Variants in ZNF536 observed in about 807,000 individuals in gnomAD.
The protein encoded by ZNF536 is zinc finger protein 536.
ZNF536 carries 13 observed loss-of-function variants against 84.5 expected under a neutral mutation model. The ratio of observed to expected loss-of-function variants is 0.15; its 90% CI spans 0.10 to 0.24. ZNF536 has a LOEUF of 0.24. ZNF536 is among the 10% of genes least tolerant of loss of function. The pLI, the probability that ZNF536 is intolerant of heterozygous loss-of-function variation, is 1.00. For missense variants in ZNF536, 1,536 were observed against 1,747.5 expected (o/e 0.88, Z 2.16); for synonymous variants, 811 against 742.5 (o/e 1.09, Z -1.50).
intron 2 of ZNF536, among the ~76,000 whole-genome samples, chr19:30,470,641 A>G (rs1317359087): frequency 6.6e-6 from 1 of 151,714 alleles, no homozygotes; most frequent in Non-Finnish European, 1.5e-5. Flanking sequence ...TGATGACCTC[A>G]AGACAGTCTT....
chr19:30,635,024 C>A (rs974856149), intron 1 of ZNF536, among the ~76,000 whole-genome samples: 1 of 152,096 alleles, frequency 6.6e-6, no homozygotes, highest in Non-Finnish European at 1.5e-5. Flanking sequence ...GAAAAAACAA[C>A]CGATGAGCAA....
chr19:30,362,106 G>A (rs1490660243), intron 3 of ZNF536, among the ~76,000 whole-genome samples: 1 of 152,208 alleles, frequency 6.6e-6, no homozygotes, highest in Non-Finnish European at 1.5e-5. Context: ...AGAGAGATCT[G>A]GGTTGGATCT....
At chr19:30,684,674 C>G (rs963343188) in intron 1 of ZNF536, among the ~76,000 whole-genome samples, 2 of 152,212 alleles carry the variant, frequency 1.3e-5, no homozygotes, top group African/African-American at 4.8e-5. Flanking sequence ...ATCTTATCCA[C>G]CGATGGCTTG....
intron 1 of ZNF536, among the ~76,000 whole-genome samples, chr19:30,576,762 G>A: frequency 6.6e-6 from 1 of 152,186 alleles, no homozygotes; most frequent in East Asian, 1.9e-4. Context: ...TCCACGTGGG[G>A]ACTGGAGGCT....
chr19:30,547,924 TTA>T lies in ZNF536; in HGVS notation c.2324-15_2324-14del. 6.6e-7 allele frequency: 1 copy of T among 1,513,970 alleles called. No individual in the cohort carries two copies. The highest frequency in any genetic ancestry group is 8.8e-7 in the Non-Finnish European group (1 of 1,132,774). 93.8% of individuals were successfully genotyped at this position (1,513,970 alleles called of 1,614,324 possible). A position where few individuals can be genotyped will look rare whatever the true frequency, so the allele number is the denominator to read the frequency against. On this transcript the variant is annotated splice_polypyrimidine_tract_variant and intron_variant, in intron 3 of 4. Transcript: ENST00000355537. ...ATGAGATAAACGCCTCTTTTTTTTC[TTA>T]TATCAAAATCTTGCAGGTGAGAAAC...
intron 1 of ZNF536, among the ~76,000 whole-genome samples, chr19:30,688,701 C>A (rs955275139): frequency 3.3e-5 from 5 of 152,162 alleles, no homozygotes; most frequent in African/African-American, 7.2e-5. Context: ...GCTTTTGAAA[C>A]CCCCACTTAA....
chr19:30,617,117 C>T (rs1214673951), intron 1 of ZNF536, among the ~76,000 whole-genome samples: 1 of 151,258 alleles, frequency 6.6e-6, no homozygotes, highest in Non-Finnish European at 1.5e-5. Flanking sequence ...TGAATAGCCT[C>T]CTTTTTTATT....
intron 1 of ZNF536, among the ~76,000 whole-genome samples, chr19:30,632,376 C>G (rs543515743): frequency 6.6e-6 from 1 of 152,094 alleles, no homozygotes; most frequent in African/African-American, 2.4e-5. Context: ...GAGGCCAAGG[C>G]GGGAGGATCA....
chr19:30,546,627 T>C (rs1159910191), intron 3 of ZNF536, among the ~76,000 whole-genome samples: 1 of 152,236 alleles, frequency 6.6e-6, no homozygotes, highest in Admixed American at 6.5e-5. Context: ...CAGTGAAATG[T>C]CTTCAGAAGA....
chr19:30,472,060 G>A (rs778611064), intron 2 of ZNF536, among the ~76,000 whole-genome samples: 1 of 152,204 alleles, frequency 6.6e-6, no homozygotes, highest in Non-Finnish European at 1.5e-5. Flanking sequence ...GGAGGGCATC[G>A]CGCTACCTGG....
At chr19:30,594,150 G>A (rs547983926) in intron 1 of ZNF536, among the ~76,000 whole-genome samples, 125 of 152,178 alleles carry the variant, frequency 8.2e-4, no homozygotes, top group Non-Finnish European at 1.3e-3. Flanking sequence ...ATCAATAGGC[G>A]TTCAATCCTG....
chr19:30,397,114 T>C (rs199583317), intron 1 of ZNF536, among the ~76,000 whole-genome samples: 1 of 152,158 alleles, frequency 6.6e-6, no homozygotes, highest in African/African-American at 2.4e-5. Context: ...GAGGCTGGGG[T>C]GACAATGGTT....
At position 30,526,540 on chromosome 19, in the gene ZNF536, C is replaced by T. The variant is rs10425510; in HGVS notation, c.2171-8307C>T. Among the ~76,000 whole-genome samples the T allele has an allele frequency of 2.5e-3, 324 of 130,210 alleles. 4 individuals carry two copies. The highest frequency in any genetic ancestry group is 7.3e-3 in the African/African-American group (289 of 39,700). The allele number at this position is 130,210 out of a possible 152,430, so 85.4% of individuals were successfully genotyped here. ...GAGATCGAGACCATCCCGGCTAAAA[C>T]GGTGAAACCCCGTCTCTACTAAAAA... On this transcript the variant is annotated intron_variant, in intron 2 of 4. Transcript: ENST00000355537.
In ZNF536 at chr19:30,683,659, G is replaced by C. The variant is rs141267584; in HGVS notation, c.170-27098G>C. On this transcript the variant is annotated intron_variant, in intron 1 of 1. Coordinates refer to the ZNF536 transcript ENST00000592773. Reference sequence around the variant, plus strand: ...TGTCCCTGTAAAGGGGAATGAAATTGCTCACTAAATATCTTTTCAAAGACA... The same window carrying C: ...TGTCCCTGTAAAGGGGAATGAAATTCCTCACTAAATATCTTTTCAAAGACA... 4.6e-5 allele frequency among the ~76,000 whole-genome samples: 7 copies of C among 152,178 alleles called. No individual in the cohort carries two copies. In the East Asian group the frequency reaches 1.4e-3, roughly 29 times the overall value.
chr19:30,604,248 T>G (rs1490453948), intron 1 of ZNF536, among the ~76,000 whole-genome samples: 7 of 152,166 alleles, frequency 4.6e-5, no homozygotes, highest in Admixed American at 4.6e-4. Context: ...TGAATACACA[T>G]GGATGGCTGC....
intron 1 of ZNF536, among the ~76,000 whole-genome samples, chr19:30,381,443 G>A (rs1193413452): frequency 6.6e-6 from 1 of 152,218 alleles, no homozygotes; most frequent in Non-Finnish European, 1.5e-5. Context: ...AGATGGGGTG[G>A]TCTTGGGAGG....
At chr19:30,481,927 T>C (rs1490401963) in intron 2 of ZNF536, among the ~76,000 whole-genome samples, 1 of 152,248 alleles carries the variant, frequency 6.6e-6, no homozygotes, top group East Asian at 1.9e-4. Context: ...TATTTGGTTT[T>C]CCATTCCTGA....
chr19:30,684,697 T>G lies in ZNF536; in HGVS notation c.170-26060T>G, dbSNP rs1019534012. Among the ~76,000 whole-genome samples the G allele has an allele frequency of 2.0e-5, 3 of 152,228 alleles. No individual in the cohort carries two copies. In the East Asian group the frequency reaches 5.8e-4, roughly 29 times the overall value. On this transcript the variant is annotated intron_variant, in intron 1 of 1. Coordinates refer to the ZNF536 transcript ENST00000592773. ...CACCGATGGCTTGGTTCGGTCATTC[T>G]GTGTTAGAGGTTCTGCATGTAAACC...
Position 30,548,206 on chromosome 19 carries a change from G to A in ZNF536, c.2587G>A (p.Val863Ile), listed in dbSNP as rs367614015. 1 of 1,614,186 alleles carries A rather than the reference G, an allele frequency of 6.2e-7. No homozygotes were observed. The change falls in exon 4 of 5, where the codon GTT becomes ATT. Residue 863 changes from valine to isoleucine, a missense_variant. Around this residue, in one of 8 missense-constraint regions of ZNF536, gnomAD observed 624 missense variants for 603.1 expected, o/e 1.03. Coordinates refer to ENST00000355537, the MANE Select transcript of ZNF536 (RefSeq NM_014717.3). ...GPASQQWTSGVLSSGDHSGQA... is the reference protein window; with the variant it reads ...GPASQQWTSGILSSGDHSGQA... ...TGCATCTCAGCAGTGGACATCAGGG[G>A]TTCTCTCCTCTGGAGATCACTCGGG... is the stretch of plus-strand genomic sequence containing the variant.
Sources: gnomAD v4.1 joint callset for allele counts (sites outside exome capture counted in the v4.1 genomes callset) on GRCh38, gnomAD v4.1.1 for gene constraint, gnomAD v4.1.1 regional missense constraint, MANE v1.5 for transcripts, NCBI Gene and HGNC (gene_info 2026-07-23, HGNC 2026-07-21) for gene names.